CSPP1: variants seen among roughly 807,000 people sequenced by gnomAD.
CSPP1 encodes centrosome and spindle pole associated protein 1.
A neutral mutation model predicts 164.4 loss-of-function variants in CSPP1; 126 were observed. That is an observed-to-expected ratio of 0.77 (90% CI 0.66 to 0.89). CSPP1 has a LOEUF of 0.89. Among genes scored for constraint, CSPP1 ranks in the 40% least tolerant of loss-of-function variants. The pLI is 0.00. For synonymous variants in CSPP1, 472 were observed against 476.7 expected, an observed-to-expected ratio of 0.99 and a Z score of 0.13; for missense variants, 1,395 against 1,449.8, an observed-to-expected ratio of 0.96 and a Z score of 0.61.
intron 1 of CSPP1, among the ~76,000 whole-genome samples, chr8:67,073,740 T>A (rs927172895): frequency 6.6e-6 from 1 of 152,202 alleles, no homozygotes; most frequent in African/African-American, 2.4e-5. Context: ...ATTCTCTGAA[T>A]AATTTTAGAA....
intron 13 of CSPP1, among the ~76,000 whole-genome samples, chr8:67,116,956 G>C (rs1818057460): frequency 1.3e-5 from 2 of 151,998 alleles, no homozygotes; most frequent in Non-Finnish European, 2.9e-5. Context: ...TTATCTGATG[G>C]CTTCCTGACT....
chr8:67,195,587 TG>T lies in CSPP1; in HGVS notation c.3677del (p.Gly1226ValfsTer10). On this transcript the variant is annotated frameshift_variant, in exon 31 of 31. Coordinates refer to ENST00000678616, the MANE Select transcript of CSPP1 (RefSeq NM_001382391.1). LOFTEE classifies it high-confidence loss of function. ...CTTGGCAGGGCCTGTCGACTGCACA[TG>T]GTTAAAATAAACCTGTACTGGACCC... ...FTWQGLSTAHG is the reference protein window; with the variant it reads ...FTWQGLSTAHX The T allele has an allele frequency of 6.2e-7, 1 of 1,613,666 alleles. No individual in the cohort carries two copies. Among genetic ancestry groups the T allele is most frequent in the Non-Finnish European group, 8.5e-7 (1 of 1,179,604 alleles).
chr8:67,077,340 T>C (rs1808159901), intron 3 of CSPP1, among the ~76,000 whole-genome samples: 1 of 151,466 alleles, frequency 6.6e-6, no homozygotes, highest in African/African-American at 2.4e-5. Flanking sequence ...ATATAATTTT[T>C]TTTTTTTTTC....
chr8:67,161,624 A>G (rs1015953303), intron 21 of CSPP1, among the ~76,000 whole-genome samples, 187 bp from the exon 22 acceptor site: 4 of 152,188 alleles, frequency 2.6e-5, no homozygotes, highest in African/African-American at 9.6e-5. Flanking sequence ...TATGTTTATC[A>G]TAACCAACAT....
intron 21 of CSPP1, among the ~76,000 whole-genome samples, chr8:67,159,996 C>CTTTTCTTTTCTTTTCTT (rs1827905970): frequency 1.4e-5 from 1 of 70,518 alleles, no homozygotes; most frequent in Non-Finnish European, 2.4e-5. Context: ...CTTTTCTTTT[C>CTTTTCTTTTCTTTTCTT]TTTTCTTTTC....
rs565435864 is a variant in CSPP1 at position 67,130,255 on chromosome 8, A to G, written c.1698-1696A>G. 3.2e-4 allele frequency among the ~76,000 whole-genome samples: 49 copies of G among 152,332 alleles called. No individual in the cohort carries two copies. In the Middle Eastern group the frequency reaches 0.01, roughly 32 times the overall value. ...CTCCCTTTCATCCTGATCTGACTAC[A>G]TAAATCCTTAAACCCCCTTTTTGGG... On this transcript the variant is annotated intron_variant, in intron 15 of 30. Coordinates refer to ENST00000678616, the MANE Select transcript of CSPP1 (RefSeq NM_001382391.1).
chr8:67,076,963 G>A (rs1808053523), intron 3 of CSPP1, among the ~76,000 whole-genome samples: 1 of 152,148 alleles, frequency 6.6e-6, no homozygotes, highest in Admixed American at 6.5e-5. Context: ...ACAAAATGCT[G>A]TTTGGTGAAA....
rs1837985511 is a variant in CSPP1, at chr8:67,196,592, CAATT to C, written c.*1002_*1005del. 6.6e-6 allele frequency among the ~76,000 whole-genome samples: 1 copy of C among 152,172 alleles called. No homozygotes were observed. Among genetic ancestry groups the C allele is most frequent in the South Asian group, 2.1e-4 (1 of 4,832 alleles). ...TAGACAATATCAGACAAATTTGCCA[CAATT>C]AAATTACTGATATTTTGAGTTTTGG... On this transcript the variant is annotated 3_prime_UTR_variant, in exon 31 of 31. Transcript: ENST00000678616.
At chr8:67,064,576 C>G in intron 1 of CSPP1, 38 bp downstream of exon 1, 2 of 1,500,162 alleles carry the variant, frequency 1.3e-6, no homozygotes, top group Non-Finnish European at 1.8e-6. Context: ...GGTGGAGGGT[C>G]CTGGGGCTGC....
intron 1 of CSPP1, chr8:67,064,823 G>C (rs1199639203): frequency 6.9e-6 from 2 of 289,994 alleles, no homozygotes; most frequent in Admixed American, 9.9e-5. Flanking sequence ...TACGAGTTAT[G>C]AGGGTTGGGG....
intron 15 of CSPP1, among the ~76,000 whole-genome samples, chr8:67,128,076 G>C (rs1317960179): frequency 6.6e-6 from 1 of 152,120 alleles, no homozygotes; most frequent in Non-Finnish European, 1.5e-5. Flanking sequence ...TCTTTCATAA[G>C]GATGGGTGTG....
intron 6 of CSPP1, among the ~76,000 whole-genome samples, chr8:67,094,709 T>C (rs1019251962): frequency 2.0e-5 from 3 of 152,160 alleles, no homozygotes; most frequent in Non-Finnish European, 4.4e-5. Flanking sequence ...AATAAGCTTT[T>C]CATAAACTGC....
chr8:67,194,831 T>G (rs1185476597), intron 30 of CSPP1, among the ~76,000 whole-genome samples: 1 of 152,170 alleles, frequency 6.6e-6, no homozygotes, highest in East Asian at 1.9e-4. Context: ...AAGAGCTACC[T>G]CTTCATTGAC....
chr8:67,149,906 A>AC lies in CSPP1; in HGVS notation c.2101dup (p.Leu701ProfsTer7). 1.3e-6 allele frequency: 2 copies of AC among 1,580,554 alleles called. No homozygotes were observed. Among genetic ancestry groups the AC allele is most frequent in the Non-Finnish European group, 1.7e-6 (2 of 1,169,420 alleles). ...AATTTAGCCACTTCAAATGCTGAGAACCTAGAAGATGCTGCAAATAAAAGC... is the reference window on the plus strand; with the variant it reads ...AATTTAGCCACTTCAAATGCTGAGAACCCTAGAAGATGCTGCAAATAAAAGC... On this transcript the variant is annotated frameshift_variant, in exon 18 of 31. Coordinates refer to ENST00000678616, the MANE Select transcript of CSPP1 (RefSeq NM_001382391.1). LOFTEE classifies it high-confidence loss of function.
chr8:67,160,352 C>T (rs988535140), intron 21 of CSPP1, among the ~76,000 whole-genome samples: 1 of 151,606 alleles, frequency 6.6e-6, no homozygotes, highest in Non-Finnish European at 1.5e-5. Flanking sequence ...GTAGTCCCAG[C>T]TACTCAGGAG....
At chr8:67,144,844 G>A (rs1176493473) in intron 17 of CSPP1, among the ~76,000 whole-genome samples, 1 of 151,936 alleles carries the variant, frequency 6.6e-6, no homozygotes, top group African/African-American at 2.4e-5. Context: ...TGAGGCAGGT[G>A]GATCACAAGG....
At chr8:67,141,373 G>A (rs532138795) in intron 17 of CSPP1, among the ~76,000 whole-genome samples, 3 of 152,140 alleles carry the variant, frequency 2.0e-5, no homozygotes, top group African/African-American at 7.2e-5. Flanking sequence ...ATGTTTAGTT[G>A]GCTTATTTAA....
intron 21 of CSPP1, among the ~76,000 whole-genome samples, chr8:67,159,724 G>A (rs1424218227): frequency 1.3e-5 from 2 of 150,294 alleles, no homozygotes; most frequent in African/African-American, 4.9e-5. Context: ...GTTTCACCAT[G>A]TTGGCCAGAC....
At chr8:67,097,681 G>C (rs899880248) in intron 7 of CSPP1, among the ~76,000 whole-genome samples, 6 of 151,380 alleles carry the variant, frequency 4.0e-5, no homozygotes, top group African/African-American at 1.5e-4. Flanking sequence ...AAACATAATG[G>C]TTGCTTCTTT....
Sources: allele counts gnomAD v4.1 joint callset (sites outside exome capture counted in the v4.1 genomes callset), GRCh38; gene constraint gnomAD v4.1.1; transcripts MANE v1.5; gene names NCBI Gene and HGNC (gene_info 2026-07-23, HGNC 2026-07-21).